SEMA3D: variants seen among roughly 807,000 people sequenced by gnomAD.
The protein encoded by SEMA3D is semaphorin 3D, also known as semaphorin-3D.
Under a neutral mutation model 100.1 loss-of-function variants are expected in SEMA3D, and 84 were observed. The observed-to-expected ratio is 0.84, with a 90% CI of 0.70 to 1.01. The LOEUF is 1.01. SEMA3D is among the 50% of genes least tolerant of loss of function. The pLI, the probability that SEMA3D is intolerant of heterozygous loss-of-function variation, is 0.00. For synonymous variants in SEMA3D, 312 were observed against 320.7 expected (o/e 0.97, Z 0.29); for missense variants, 875 against 934.1 (o/e 0.94, Z 0.82).
intron 13 of SEMA3D, among the ~76,000 whole-genome samples, chr7:85,020,685 C>A (rs1298091716): frequency 1.3e-5 from 2 of 151,358 alleles, no homozygotes; most frequent in African/African-American, 2.4e-5. Context: ...ATAACAAATT[C>A]TCTCTCTTCC....
chr7:85,208,184 T>A, the SEMA3D span, among the ~76,000 whole-genome samples: 1 of 152,076 alleles, frequency 6.6e-6, no homozygotes, highest in Non-Finnish European at 1.5e-5. Context: ...TGTAAAATAT[T>A]GCTTAAACAT....
chr7:85,143,551 G>C (rs1470785681), intron 2 of SEMA3D, among the ~76,000 whole-genome samples: 10 of 151,994 alleles, frequency 6.6e-5, no homozygotes, highest in Admixed American at 6.6e-4. Flanking sequence ...TCTAAACATA[G>C]AAGAGATACA....
chr7:85,077,100 C>T (rs1020662283), intron 5 of SEMA3D, among the ~76,000 whole-genome samples: 91 of 100,896 alleles, frequency 9.0e-4, no homozygotes, highest in African/African-American at 4.4e-3. Flanking sequence ...AGTGAGACTC[C>T]GTCTAAAAAA....
intron 13 of SEMA3D, among the ~76,000 whole-genome samples, chr7:85,020,955 G>T (rs10254683): frequency 1.3e-5 from 2 of 151,114 alleles, no homozygotes; most frequent in African/African-American, 4.8e-5. Flanking sequence ...ATTTAAAAGA[G>T]GTATCTTAAA....
At chr7:85,019,602 A>G (rs755864355) in intron 14 of SEMA3D, among the ~76,000 whole-genome samples, 6 of 151,738 alleles carry the variant, frequency 4.0e-5, no homozygotes, top group Non-Finnish European at 8.8e-5. Context: ...TTTTTCTGAG[A>G]AAAAAAGTAT....
At chr7:85,206,523 C>CA in the SEMA3D span, among the ~76,000 whole-genome samples, 1 of 152,104 alleles carries the variant, frequency 6.6e-6, no homozygotes, top group African/African-American at 2.4e-5. Flanking sequence ...CTCTAGGAAA[C>CA]AGACACTGCT....
chr7:85,250,002 C>A, the SEMA3D span, among the ~76,000 whole-genome samples: 2 of 151,536 alleles, frequency 1.3e-5, no homozygotes, highest in Non-Finnish European at 2.9e-5. Context: ...CCCAGGTCAG[C>A]GGGTGCACGC....
chr7:85,006,236 C>T (rs1430453138), intron 18 of SEMA3D, among the ~76,000 whole-genome samples: 1 of 151,858 alleles, frequency 6.6e-6, no homozygotes, highest in Admixed American at 6.6e-5. Context: ...AAATTGGGGG[C>T]TCAGGAACAT....
At chr7:85,070,616 T>C (rs1424218957) in intron 6 of SEMA3D, among the ~76,000 whole-genome samples, 1 of 152,166 alleles carries the variant, frequency 6.6e-6, no homozygotes, top group East Asian at 1.9e-4. Context: ...TGCCATACAA[T>C]TACCTGTACG....
At chr7:85,223,487 A>G in the SEMA3D span, among the ~76,000 whole-genome samples, 4 of 152,034 alleles carry the variant, frequency 2.6e-5, no homozygotes, top group Admixed American at 2.6e-4. Context: ...TCAAAAGCCG[A>G]TCAATCAATG....
intron 1 of SEMA3D, among the ~76,000 whole-genome samples, chr7:85,169,228 A>C (rs545829854): frequency 1.8e-4 from 28 of 151,928 alleles, no homozygotes; most frequent in Non-Finnish European, 2.9e-4. Context: ...CAAAGAAACA[A>C]ACAAAGAAAA....
rs28449647 is a variant in SEMA3D, at chr7:85,028,337, G to A, written c.1192-5724C>T. 479 of 639,338 alleles carry A rather than the reference G, an allele frequency of 7.5e-4. 4 individuals are homozygous for A. In the African/African-American group the frequency reaches 8.2e-3, roughly 11 times the overall value. The allele number at this position is 639,338 out of a possible 1,614,324, so 39.6% of individuals were successfully genotyped here. On this transcript the variant is annotated intron_variant, in intron 12 of 18. Coordinates refer to ENST00000284136, the MANE Select transcript of SEMA3D (RefSeq NM_001384900.1). ...AACTATTGCTGGTCTCAATGTACTT[G>A]GAATTATCAATGTGCCAATTGTCGC...
At chr7:85,043,951 A>G (rs1790933185) in intron 9 of SEMA3D, among the ~76,000 whole-genome samples, 1 of 152,080 alleles carries the variant, frequency 6.6e-6, no homozygotes, top group Non-Finnish European at 1.5e-5. Flanking sequence ...ACCTGTGAAC[A>G]CTGAATAAGC....
chr7:85,061,561 C>G (rs1330182047), intron 8 of SEMA3D, among the ~76,000 whole-genome samples: 2 of 152,140 alleles, frequency 1.3e-5, no homozygotes, highest in African/African-American at 2.4e-5. Flanking sequence ...ATTCTCTCCC[C>G]TCCCACTCCT....
chr7:85,223,825 G>A, the SEMA3D span, among the ~76,000 whole-genome samples: 2 of 151,824 alleles, frequency 1.3e-5, no homozygotes, highest in Non-Finnish European at 2.9e-5. Context: ...CTGCTCAGGT[G>A]ATGGGTGCAT....
chr7:85,215,911 C>G, the SEMA3D span, among the ~76,000 whole-genome samples: 1 of 151,908 alleles, frequency 6.6e-6, no homozygotes, highest in African/African-American at 2.4e-5. Context: ...TTCATAAAAG[C>G]TAGTTGTAAT....
upstream of SEMA3D, among the ~76,000 whole-genome samples, chr7:85,190,676 C>T (rs771786703): frequency 5.3e-5 from 8 of 152,028 alleles, no homozygotes; most frequent in Non-Finnish European, 8.8e-5. Flanking sequence ...TCTTTTATTT[C>T]TGTATTAATT....
chr7:85,104,027 C>T (rs368371375), intron 3 of SEMA3D, among the ~76,000 whole-genome samples: 4 of 152,122 alleles, frequency 2.6e-5, no homozygotes, highest in South Asian at 4.1e-4. Flanking sequence ...CTCTTGATAT[C>T]TTACCAGAAG....
Position 85,161,347 on chromosome 7 carries a change from TCA to T in SEMA3D, c.-172-7610_-172-7609del, listed in dbSNP as rs1419714747. ...AAATATTAAAATGTGAATGAATCAC[TCA>T]CATAATTAGCAATAGGGGTAAATAT... On this transcript the variant is annotated intron_variant, in intron 1 of 18. Transcript: ENST00000284136. Among the ~76,000 whole-genome samples the T allele has an allele frequency of 8.0e-5, 12 of 149,666 alleles. No homozygotes were observed. In the South Asian group the frequency reaches 2.0e-3, roughly 25 times the overall value.
Sources: gnomAD v4.1 joint callset for allele counts (sites outside exome capture counted in the v4.1 genomes callset) on GRCh38, gnomAD v4.1.1 for gene constraint, MANE v1.5 for transcripts, NCBI Gene and HGNC (gene_info 2026-07-23, HGNC 2026-07-21) for gene names.